The following DNAH8 variants were observed in gnomAD, a reference collection of about 807,000 sequenced individuals.
DNAH8 encodes axonemal beta dynein heavy chain 8.
A neutral mutation model predicts 562.1 loss-of-function variants in DNAH8; 382 were observed. The observed-to-expected ratio is 0.68, with a 90% CI of 0.63 to 0.74. The LOEUF (loss-of-function observed/expected upper bound fraction) is 0.74. DNAH8 is among the 30% of genes least tolerant of loss of function. DNAH8 has a pLI of 0.00. For missense variants in DNAH8, 5,203 were observed against 5,620.4 expected, an observed-to-expected ratio of 0.93 and a Z score of 2.37; for synonymous variants, 1,881 against 1,919.4, an observed-to-expected ratio of 0.98 and a Z score of 0.52.
At chr6:38,889,031 A>C (rs914722793) in intron 57 of DNAH8, among the ~76,000 whole-genome samples, 9 of 152,186 alleles carry the variant, frequency 5.9e-5, no homozygotes, top group African/African-American at 2.2e-4. Flanking sequence ...GCCTCAATCC[A>C]TCTGTAGTTG....
chr6:38,932,209 C>CACACACACACAG (rs1782603421), intron 76 of DNAH8, among the ~76,000 whole-genome samples: 1 of 151,234 alleles, frequency 6.6e-6, no homozygotes, highest in Admixed American at 6.6e-5. Context: ...CACACACACA[C>CACACACACACAG]ACACACACCC....
intron 85 of DNAH8, among the ~76,000 whole-genome samples, chr6:38,976,438 A>G (rs1763681072): frequency 6.6e-6 from 1 of 152,228 alleles, no homozygotes; most frequent in African/African-American, 2.4e-5. Context: ...TTTCAGAAAT[A>G]TCACAGAAGT....
chr6:38,902,020 A>G (rs1277892211), intron 62 of DNAH8, among the ~76,000 whole-genome samples: 1 of 152,130 alleles, frequency 6.6e-6, no homozygotes, highest in Admixed American at 6.5e-5. Context: ...ACAGGCCCCA[A>G]CAGCACTGCT....
chr6:38,961,132 T>C (rs1343362597), intron 82 of DNAH8, among the ~76,000 whole-genome samples: 1 of 151,958 alleles, frequency 6.6e-6, no homozygotes, highest in African/African-American at 2.4e-5. Context: ...CTAACAAATT[T>C]GATCTCTTAG....
In DNAH8 at chr6:39,030,239, G is replaced by A. The variant is rs1443669878; in HGVS notation, c.13971G>A (p.Thr4657=). ...PVLHIFAINS[T]APKDPKLYVC... ...TCCACATCTTTGCCATTAACTCCAC[G>A]GCACCCAAGGACCCCAAGCTGTATG... Residue 4657 remains threonine (T), a synonymous_variant, in exon 93 of 93, where the codon ACG becomes ACA. Transcript: ENST00000327475. 17 of 1,614,024 alleles carry A rather than the reference G, an allele frequency of 1.1e-5. No homozygotes were observed. Among genetic ancestry groups the A allele is most frequent in the South Asian group, 2.2e-5 (2 of 91,070 alleles).
intron 9 of DNAH8, 60 bp downstream of exon 9, chr6:38,750,649 T>C (rs1344765242): frequency 5.6e-6 from 6 of 1,067,200 alleles, no homozygotes; most frequent in Non-Finnish European, 8.5e-6. Flanking sequence ...TCTGTGATTC[T>C]AGCTACTCAG....
intron 30 of DNAH8, among the ~76,000 whole-genome samples, chr6:38,829,286 CT>C (rs1773629996): frequency 6.6e-6 from 1 of 152,012 alleles, no homozygotes; most frequent in East Asian, 1.9e-4. Flanking sequence ...TGTGGGTTAT[CT>C]TTTCGCTTTA....
At chr6:38,807,840 T>C (rs1050233382) in intron 24 of DNAH8, 124 bp downstream of exon 24, 4 of 433,346 alleles carry the variant, frequency 9.2e-6, no homozygotes, top group Admixed American at 4.5e-5. Context: ...AAAGACTGTA[T>C]GAAAGTATTT....
chr6:39,010,799 A>ATG (rs1295597771), intron 89 of DNAH8, among the ~76,000 whole-genome samples: 21 of 105,106 alleles, frequency 2.0e-4, no homozygotes, highest in African/African-American at 8.0e-4. Context: ...ACGCACGTGT[A>ATG]CGCACACACA....
At chr6:38,983,172 C>T (rs139814329) in intron 86 of DNAH8, among the ~76,000 whole-genome samples, 104 of 152,302 alleles carry the variant, frequency 6.8e-4, no homozygotes, top group African/African-American at 2.2e-3. Context: ...AGCCTGTTTC[C>T]TCATCTATAA....
At chr6:38,841,681 T>C in intron 33 of DNAH8, among the ~76,000 whole-genome samples, 1 of 152,228 alleles carries the variant, frequency 6.6e-6, no homozygotes, top group Admixed American at 6.5e-5. Flanking sequence ...TTGGACCTTT[T>C]ATTCTTGTTT....
In DNAH8 at chr6:38,872,783, G is replaced by C. The variant is rs1777570232; in HGVS notation, c.7237+1G>C. 1 of 1,613,876 alleles carries C rather than the reference G, an allele frequency of 6.2e-7. No homozygotes were observed. The highest frequency in any genetic ancestry group is 8.5e-7 in the Non-Finnish European group (1 of 1,179,948). On this transcript the variant is annotated splice_donor_variant, in intron 50 of 92. Transcript: ENST00000327475. LOFTEE classifies it high-confidence loss of function. ...AGAAAAACATTAAAAGCTAAAAAAGGTATACACAAACCTCCTTTGTGATCA... is the reference window on the plus strand; with the variant it reads ...AGAAAAACATTAAAAGCTAAAAAAGCTATACACAAACCTCCTTTGTGATCA...
chr6:38,753,075 C>G (rs1765604698), intron 9 of DNAH8, among the ~76,000 whole-genome samples: 1 of 151,976 alleles, frequency 6.6e-6, no homozygotes, highest in Non-Finnish European at 1.5e-5. Context: ...TCAGCTCACA[C>G]CTCTCTCCCT....
intron 10 of DNAH8, among the ~76,000 whole-genome samples, chr6:38,760,219 C>T (rs1766356297): frequency 6.6e-6 from 1 of 152,152 alleles, no homozygotes; most frequent in South Asian, 2.1e-4. Flanking sequence ...TTCTACATGT[C>T]TGAAAATCAC....
intron 88 of DNAH8, among the ~76,000 whole-genome samples, chr6:38,994,754 C>G (rs1053489345): frequency 1.3e-5 from 2 of 150,974 alleles, no homozygotes; most frequent in African/African-American, 2.4e-5. Flanking sequence ...AAGTGATTCT[C>G]CTGCCTCAGC....
intron 11 of DNAH8, among the ~76,000 whole-genome samples, chr6:38,769,517 G>A (rs1767353618): frequency 6.6e-6 from 1 of 152,194 alleles, no homozygotes; most frequent in Non-Finnish European, 1.5e-5. Flanking sequence ...AATCACTATA[G>A]GAGAGCTAGT....
At chr6:38,960,419 C>CAA (rs67399046) in intron 82 of DNAH8, among the ~76,000 whole-genome samples, 20 of 146,164 alleles carry the variant, frequency 1.4e-4, no homozygotes, top group Non-Finnish European at 2.1e-4. Context: ...AACTCAATAG[C>CAA]AAAAAAAAAA....
chr6:39,004,059 T>C (rs1765648964), intron 88 of DNAH8, among the ~76,000 whole-genome samples: 1 of 152,138 alleles, frequency 6.6e-6, no homozygotes, highest in Non-Finnish European at 1.5e-5. Flanking sequence ...AATTTTAACG[T>C]CAGTTCTTAT....
chr6:38,862,389 G>A lies in DNAH8; in HGVS notation c.6241G>A (p.Gly2081Arg). ...CACAAAAGACATGGGAAGGTGTTTG[G>A]GAAAATATGTGGTCGTGTTCAATTG... is the stretch of plus-strand genomic sequence containing the variant. The part of the protein sequence containing the change: ...ETTKDMGRCL[G>R]KYVVVFNCSD... Residue 2081 changes from glycine to arginine, a missense_variant, in exon 44 of 93, where the codon GGA becomes AGA. Physicochemically the swap from Gly to Arg is moderately radical, Grantham distance 125. This residue lies in a region of DNAH8 where 2,176 missense variants were observed against 2,365.1 expected (regional missense o/e 0.92). Coordinates refer to ENST00000327475, the MANE Select transcript of DNAH8 (RefSeq NM_001206927.2). 6.2e-7 allele frequency: 1 copy of A among 1,614,134 alleles called. No homozygotes were observed. Among genetic ancestry groups the A allele is most frequent in the Non-Finnish European group, 8.5e-7 (1 of 1,179,988 alleles).
Sources: gnomAD v4.1 joint callset for allele counts (sites outside exome capture counted in the v4.1 genomes callset) on GRCh38, gnomAD v4.1.1 for gene constraint, gnomAD v4.1.1 regional missense constraint, MANE v1.5 for transcripts, NCBI Gene and HGNC (gene_info 2026-07-23, HGNC 2026-07-21) for gene names.